Variants in RCBTB2 observed in about 807,000 individuals in gnomAD.
The protein encoded by RCBTB2 is RCC1 and BTB domain-containing protein 2.
Under a neutral mutation model 65.4 loss-of-function variants are expected in RCBTB2, and 55 were observed. That is an observed-to-expected ratio of 0.84 (90% confidence interval 0.68 to 1.05). RCBTB2 has a LOEUF of 1.05. Among genes scored for constraint, RCBTB2 ranks in the 50% least tolerant of loss-of-function variants. RCBTB2 has a pLI of 0.00. For missense variants in RCBTB2, 599 were observed against 680.1 expected (o/e 0.88, Z 1.33); for synonymous variants, 220 against 255.2 (o/e 0.86, Z 1.31).
At position 48,499,613 on chromosome 13, in the gene RCBTB2, G is replaced by T; in HGVS notation, c.1384+8C>A. 2 of 1,612,924 alleles carry T rather than the reference G, an allele frequency of 1.2e-6. No homozygotes were observed. The highest frequency in any genetic ancestry group is 1.7e-6 in the Non-Finnish European group (2 of 1,179,582). ...TTTGCCAAGTTTTTGGAAGTCTTTG[G>T]CAATTACCTACTGCCTCCTCAGGAG... On this transcript the variant is annotated splice_region_variant and intron_variant, in intron 13 of 14. Coordinates refer to ENST00000344532, the MANE Select transcript of RCBTB2 (RefSeq NM_001268.4).
At chr13:48,504,254 G>C in intron 10 of RCBTB2, 1 of 985,262 alleles carries the variant, frequency 1.0e-6, no homozygotes, top group Non-Finnish European at 1.2e-6. Flanking sequence ...TCATCCTCTT[G>C]GAACACCGTT....
chr13:48,533,105 T>C (rs7997110), upstream of RCBTB2: 391,324 of 439,256 alleles, frequency 0.89, 174,865 homozygotes, highest in East Asian at 1. Flanking sequence ...GGCGCCGCGA[T>C]GAGTTGGCGC....
chr13:48,496,209 C>T lies in RCBTB2; in HGVS notation c.1497G>A (p.Ala499=), dbSNP rs9332054. 9.6e-3 allele frequency: 14,785 copies of T among 1,537,060 alleles called. 582 individuals carry two copies. In the East Asian group the frequency reaches 0.14, roughly 14 times the overall value. The change falls in exon 14 of 15, where the codon GCG becomes GCA. Residue 499 remains alanine (A), a synonymous_variant. Coordinates refer to ENST00000344532, the MANE Select transcript of RCBTB2 (RefSeq NM_001268.4). ...EENAIALLSA[A]VKYDAQDLEE... is the part of the protein sequence containing the mutation. Reference sequence around the variant, plus strand: ...TCCTTACCTGTGCATCATACTTCACCGCAGCCGAGAGCAGAGCGATGGCAT... The same window carrying T: ...TCCTTACCTGTGCATCATACTTCACTGCAGCCGAGAGCAGAGCGATGGCAT...
chr13:48,518,470 A>T lies in RCBTB2; in HGVS notation c.43-2729T>A, dbSNP rs867114495. Among the ~76,000 whole-genome samples, 165 of 130,822 alleles carry T rather than the reference A, an allele frequency of 1.3e-3. 1 individual carries two copies. The highest frequency in any genetic ancestry group is 3.8e-3 in the Middle Eastern group (1 of 260). 85.8% of individuals were successfully genotyped at this position (130,822 alleles called of 152,430 possible). A position where few individuals can be genotyped will look rare whatever the true frequency, so the allele number is the denominator to read the frequency against. On this transcript the variant is annotated intron_variant, in intron 4 of 14. Transcript: ENST00000344532. ...ACAGAGTACTTTGCAAAAAAAAAAAAAAATATATATATATATATATATATA... is the reference window on the plus strand; with the variant it reads ...ACAGAGTACTTTGCAAAAAAAAAAATAAATATATATATATATATATATATA...
chr13:48,499,136 ACACACACT>A (rs1203361540), intron 13 of RCBTB2, among the ~76,000 whole-genome samples: 7 of 147,614 alleles, frequency 4.7e-5, no homozygotes, highest in African/African-American at 1.6e-4. Context: ...ACACACACAC[ACACACACT>A]CTCTCTCTCT....
intron 14 of RCBTB2, among the ~76,000 whole-genome samples, chr13:48,490,804 T>C (rs980926010): frequency 6.6e-6 from 1 of 152,240 alleles, no homozygotes; most frequent in Non-Finnish European, 1.5e-5. Context: ...ACACTACATA[T>C]GCCTTCAATA....
In RCBTB2 at chr13:48,532,933, G is replaced by A. The variant is rs374434842; in HGVS notation, c.-219+95C>T. 2.2e-5 allele frequency: 10 copies of A among 451,926 alleles called. No individual in the cohort carries two copies. The East Asian group carries it at 2.8e-4, about 13-fold the overall frequency. 28.0% of individuals were successfully genotyped at this position (451,926 alleles called of 1,614,324 possible). A position where few individuals can be genotyped will look rare whatever the true frequency, so the allele number is the denominator to read the frequency against. On this transcript the variant is annotated intron_variant, in intron 1 of 14. Transcript: ENST00000344532. ...GGCGGGGAGGTCGGGCCGCAGGGGC[G>A]GGGAGGGGTGGCCTGCCCCAGTGGT... is the stretch of plus-strand genomic sequence containing the variant.
At chr13:48,498,014 G>C (rs1039706686) in intron 13 of RCBTB2, among the ~76,000 whole-genome samples, 1 of 152,234 alleles carries the variant, frequency 6.6e-6, no homozygotes. Context: ...GGGTACCTGG[G>C]AACCTGGGAC....
intron 14 of RCBTB2, among the ~76,000 whole-genome samples, chr13:48,493,331 T>A (rs1418920701): frequency 7.3e-6 from 1 of 137,888 alleles, no homozygotes; most frequent in African/African-American, 3.0e-5. Context: ...TCTCTCTCTC[T>A]CTCTCTCTCT....
intron 4 of RCBTB2, among the ~76,000 whole-genome samples, chr13:48,516,605 T>A (rs1951105565): frequency 6.6e-6 from 1 of 152,174 alleles, no homozygotes; most frequent in Admixed American, 6.5e-5. Flanking sequence ...TGGATTAAGG[T>A]CCACCCTAAT....
At chr13:48,496,350 A>C in intron 13 of RCBTB2, 29 bp from the exon 14 acceptor site, 1 of 1,503,180 alleles carries the variant, frequency 6.7e-7, no homozygotes, top group Non-Finnish European at 8.9e-7. Flanking sequence ...TATTAGGGGG[A>C]GTGATTTCAA....
intron 4 of RCBTB2, among the ~76,000 whole-genome samples, chr13:48,520,283 GTC>G (rs1951346983): frequency 6.6e-6 from 1 of 152,150 alleles, no homozygotes; most frequent in African/African-American, 2.4e-5. Flanking sequence ...GACAGCAGCT[GTC>G]TCTGCAGAAT....
At chr13:48,515,167 G>A (rs375971438) in intron 6 of RCBTB2, 38 bp downstream of exon 6, 81 of 1,590,138 alleles carry the variant, frequency 5.1e-5, no homozygotes, top group Middle Eastern at 3.3e-4. Context: ...GGGCAGCTGC[G>A]AATAAAGCTG....
chr13:48,515,949 C>T (rs1209400771), intron 4 of RCBTB2, among the ~76,000 whole-genome samples: 1 of 152,222 alleles, frequency 6.6e-6, no homozygotes, highest in Non-Finnish European at 1.5e-5. Flanking sequence ...CGGATGGAAC[C>T]AGGTCTCCCC....
chr13:48,507,838 T>C (rs559755839), intron 10 of RCBTB2, among the ~76,000 whole-genome samples: 1 of 152,310 alleles, frequency 6.6e-6, no homozygotes, highest in South Asian at 2.1e-4. Flanking sequence ...AGAACAAAGA[T>C]ACAAATGTTG....
At chr13:48,493,316 C>CACAACT (rs1566254752) in intron 14 of RCBTB2, among the ~76,000 whole-genome samples, 17 of 24,766 alleles carry the variant, frequency 6.9e-4, no homozygotes, top group African/African-American at 2.5e-3. Flanking sequence ...CACACACACA[C>CACAACT]TCTCTCTCTC....
chr13:48,513,727 A>G (rs1411683711), intron 6 of RCBTB2, among the ~76,000 whole-genome samples: 3 of 152,226 alleles, frequency 2.0e-5, no homozygotes, highest in Non-Finnish European at 4.4e-5. Flanking sequence ...TTCTTCAAAT[A>G]ATAAATACAG....
At chr13:48,532,801 C>T in intron 1 of RCBTB2, 2 of 331,454 alleles carry the variant, frequency 6.0e-6, no homozygotes, top group Non-Finnish European at 1.2e-5. Context: ...GGGTGTAGCC[C>T]CGGAACCTAG....
At chr13:48,508,525 T>A (rs1950617471) in intron 10 of RCBTB2, among the ~76,000 whole-genome samples, 1 of 151,974 alleles carries the variant, frequency 6.6e-6, no homozygotes, top group Admixed American at 6.6e-5. Flanking sequence ...TGCCTCAGCC[T>A]CCCAAGTAAC....
Sources: gnomAD v4.1 joint callset for allele counts (sites outside exome capture counted in the v4.1 genomes callset) on GRCh38, gnomAD v4.1.1 for gene constraint, MANE v1.5 for transcripts, NCBI Gene and HGNC (gene_info 2026-07-23, HGNC 2026-07-21) for gene names.